The following G3BP2 variants were observed in gnomAD, a reference collection of about 807,000 sequenced individuals.
G3BP2 encodes the protein ras GTPase-activating protein-binding protein 2.
In G3BP2, 11 loss-of-function variants were observed where a neutral mutation model predicts 56.7. That is an observed-to-expected ratio of 0.19 (90% CI 0.12 to 0.32). G3BP2 has a LOEUF of 0.32. Among genes scored for constraint, G3BP2 ranks in the 10% least tolerant of loss-of-function variants. The pLI is 1.00. For missense variants in G3BP2, 340 were observed against 610.9 expected, an observed-to-expected ratio of 0.56 and a Z score of 4.67; for synonymous variants, 165 against 191.6, an observed-to-expected ratio of 0.86 and a Z score of 1.15.
chr4:75,677,892 C>T (rs1370014591), upstream of G3BP2, among the ~76,000 whole-genome samples: 4 of 152,120 alleles, frequency 2.6e-5, no homozygotes, highest in Non-Finnish European at 5.9e-5. Context: ...GACCTTCAGG[C>T]GGCAACTAGG....
chr4:75,697,273 C>CAAAAAAAAAAAAAAAAAAAA (rs869037819), intron 3 of G3BP2, among the ~76,000 whole-genome samples: 9 of 28,818 alleles, frequency 3.1e-4, no homozygotes, highest in Admixed American at 2.0e-3. Context: ...GACTCTGTCT[C>CAAAAAAAAAAAAAAAAAAAA]AAAAAAAAAA....
At chr4:75,673,421 CT>C, upstream of G3BP2, 2 of 1,232,304 alleles carry the variant, frequency 1.6e-6, no homozygotes, top group Non-Finnish European at 2.0e-6. Flanking sequence ...GTCCCGCCCC[CT>C]TTGCCACCGC....
At chr4:75,675,559 G>A (rs1318427759), upstream of G3BP2, among the ~76,000 whole-genome samples, 1 of 152,186 alleles carries the variant, frequency 6.6e-6, no homozygotes, top group Non-Finnish European at 1.5e-5. Flanking sequence ...TTGGAAGGCC[G>A]AGGGGGGCGG....
At chr4:75,717,815 T>C (rs1427323841) in intron 3 of G3BP2, among the ~76,000 whole-genome samples, 1 of 152,112 alleles carries the variant, frequency 6.6e-6, no homozygotes, top group East Asian at 1.9e-4. Flanking sequence ...GGCCTGGATC[T>C]GATAAACTTG....
chr4:75,711,583 C>T (rs1023580846), intron 3 of G3BP2, among the ~76,000 whole-genome samples: 3 of 151,392 alleles, frequency 2.0e-5, no homozygotes, highest in African/African-American at 7.3e-5. Context: ...CATGGTGGTG[C>T]GTGCCTGTAA....
At chr4:75,647,282 C>T in intron 9 of G3BP2, 125 bp from the exon 10 acceptor site, 1 of 608,972 alleles carries the variant, frequency 1.6e-6, no homozygotes, top group Non-Finnish European at 2.7e-6. Context: ...AGGTGAGCTT[C>T]TTGAAAAAGA....
intron 2 of G3BP2, among the ~76,000 whole-genome samples, chr4:75,722,091 C>T (rs1378072573): frequency 1.3e-5 from 2 of 151,998 alleles, no homozygotes; most frequent in South Asian, 4.1e-4. Context: ...CCTGACTTTT[C>T]TCCCTCTACA....
rs760528179 is a variant in G3BP2, at chr4:75,655,153, C to G, written c.639G>C (p.Val213=). 4.3e-6 allele frequency: 7 copies of G among 1,613,058 alleles called. No individual in the cohort carries two copies. The highest frequency in any genetic ancestry group is 3.3e-4 in the Middle Eastern group (2 of 6,058). ...CTAGTTCTTCTAAGTTCTTCTCCTC[C>G]ACTTGTGGTTTCAGCTCTTCAGTCT... ...ETKTEELKPQ[V]EEKNLEELEE... The change falls in exon 7 of 12, where the codon GTG becomes GTC. Residue 213 remains valine (V), a synonymous_variant. Coordinates refer to ENST00000359707, the MANE Select transcript of G3BP2 (RefSeq NM_203505.3).
chr4:75,674,714 ATATATT>A (rs1183519319), upstream of G3BP2, among the ~76,000 whole-genome samples: 146 of 54,774 alleles, frequency 2.7e-3, 1 homozygote, highest in African/African-American at 4.9e-3. Context: ...ATATATATAT[ATATATT>A]TTTTTTTTTT....
At chr4:75,703,913 G>A (rs577060021) in intron 3 of G3BP2, among the ~76,000 whole-genome samples, 3 of 151,970 alleles carry the variant, frequency 2.0e-5, no homozygotes, top group South Asian at 2.1e-4. Context: ...ATTTTACCAC[G>A]ATGTTTCTAG....
At chr4:75,669,280 C>T (rs1733297008) in intron 1 of G3BP2, among the ~76,000 whole-genome samples, 1 of 152,182 alleles carries the variant, frequency 6.6e-6, no homozygotes, top group Non-Finnish European at 1.5e-5. Context: ...TACACGCATG[C>T]ACCAAAGAAA....
chr4:75,698,233 T>TAC (rs879638827), intron 3 of G3BP2, among the ~76,000 whole-genome samples: 4 of 152,230 alleles, frequency 2.6e-5, no homozygotes, highest in Admixed American at 2.6e-4. Context: ...GTGTTAATGT[T>TAC]AGAGAGAAGG....
At chr4:75,682,427 A>G (rs1032737957) in intron 3 of G3BP2, among the ~76,000 whole-genome samples, 17 of 152,058 alleles carry the variant, frequency 1.1e-4, no homozygotes, top group African/African-American at 4.1e-4. Flanking sequence ...AAAAAAAAAA[A>G]AAAAAAATTA....
intron 3 of G3BP2, among the ~76,000 whole-genome samples, chr4:75,713,050 G>C (rs527897685): frequency 9.2e-5 from 14 of 152,244 alleles, no homozygotes; most frequent in African/African-American, 3.1e-4. Flanking sequence ...ATAGGTTAGA[G>C]GTGGGTATTT....
intron 3 of G3BP2, among the ~76,000 whole-genome samples, chr4:75,717,395 G>C (rs1719970701): frequency 6.6e-6 from 1 of 152,128 alleles, no homozygotes; most frequent in Admixed American, 6.6e-5. Context: ...AGGGGACCTT[G>C]GAAGTGTGGG....
chr4:75,669,438 G>T (rs1188458569), intron 1 of G3BP2, among the ~76,000 whole-genome samples: 2 of 152,074 alleles, frequency 1.3e-5, no homozygotes, highest in East Asian at 3.9e-4. Flanking sequence ...CACTCCCACT[G>T]TTCAGACCTT....
chr4:75,657,530 GAA>G, intron 4 of G3BP2, 25 bp downstream of exon 4: 1 of 1,556,630 alleles, frequency 6.4e-7, no homozygotes, highest in Non-Finnish European at 8.7e-7. Context: ...CCATATAAAT[GAA>G]AACTAAGTGA....
chr4:75,701,751 T>C (rs564072282), intron 3 of G3BP2, among the ~76,000 whole-genome samples: 1 of 152,174 alleles, frequency 6.6e-6, no homozygotes, highest in Non-Finnish European at 1.5e-5. Flanking sequence ...AGCTACTTGT[T>C]TGAAGGCTTT....
At chr4:75,712,070 A>T (rs1281205112) in intron 3 of G3BP2, among the ~76,000 whole-genome samples, 1 of 152,206 alleles carries the variant, frequency 6.6e-6, no homozygotes, top group African/African-American at 2.4e-5. Context: ...AAGAAATGAT[A>T]ACTGTTTGAG....
Sources: allele counts gnomAD v4.1 joint callset (sites outside exome capture counted in the v4.1 genomes callset), GRCh38; gene constraint gnomAD v4.1.1; transcripts MANE v1.5; gene names NCBI Gene and HGNC (gene_info 2026-07-23, HGNC 2026-07-21).